NIN: variants seen among roughly 807,000 people sequenced by gnomAD.
The protein encoded by NIN is ninein.
NIN carries 137 observed loss-of-function variants against 257.6 expected under a neutral mutation model. The ratio of observed to expected loss-of-function variants is 0.53; its 90% CI spans 0.46 to 0.61. The LOEUF is 0.61. Ranked by LOEUF, NIN falls within the 20% of genes least tolerant of loss-of-function variation. The pLI, the probability that NIN is intolerant of heterozygous loss-of-function variation, is 0.00. For missense variants in NIN, 2,439 were observed against 2,501.2 expected, an observed-to-expected ratio of 0.98 and a Z score of 0.53; for synonymous variants, 918 against 919.8, an observed-to-expected ratio of 1.00 and a Z score of 0.04.
At chr14:50,790,414 A>G (rs1454392565) in intron 5 of NIN, among the ~76,000 whole-genome samples, 4 of 152,230 alleles carry the variant, frequency 2.6e-5, no homozygotes, top group Non-Finnish European at 5.9e-5. Flanking sequence ...TTCAGCTTAC[A>G]AAACACTTTC....
At chr14:50,752,161 T>TG (rs748524886) in intron 21 of NIN, among the ~76,000 whole-genome samples, 44 of 151,624 alleles carry the variant, frequency 2.9e-4, no homozygotes, top group Non-Finnish European at 4.9e-4. Context: ...TTGTATAGTT[T>TG]TTTTTTTTTA....
chr14:50,809,636 T>C (rs1428066784), intron 3 of NIN, among the ~76,000 whole-genome samples: 1 of 152,200 alleles, frequency 6.6e-6, no homozygotes, highest in Non-Finnish European at 1.5e-5. Flanking sequence ...CTTCCTGAAT[T>C]TGGTCCTCAC....
At chr14:50,797,332 C>T (rs2043884408) in intron 4 of NIN, among the ~76,000 whole-genome samples, 1 of 152,246 alleles carries the variant, frequency 6.6e-6, no homozygotes, top group South Asian at 2.1e-4. Flanking sequence ...TTTGGAATTG[C>T]TCGCATAGGA....
At chr14:50,733,921 A>G (rs1490013468) in intron 28 of NIN, among the ~76,000 whole-genome samples, 1 of 152,198 alleles carries the variant, frequency 6.6e-6, no homozygotes, top group Non-Finnish European at 1.5e-5. Flanking sequence ...AGAGAACACA[A>G]AATTGACAAA....
chr14:50,750,613 T>C (rs775538859), intron 21 of NIN, among the ~76,000 whole-genome samples: 7 of 152,230 alleles, frequency 4.6e-5, no homozygotes, highest in Non-Finnish European at 1.0e-4. Context: ...GTCAAGATAT[T>C]AATTTCTGAA....
intron 2 of NIN, chr14:50,823,513 A>G (rs929417099): frequency 1.1e-5 from 3 of 264,156 alleles, no homozygotes; most frequent in Admixed American, 5.2e-5. Flanking sequence ...AAACAAATCA[A>G]TGTTGCTCTA....
intron 17 of NIN, among the ~76,000 whole-genome samples, chr14:50,759,415 T>G (rs1350682803): frequency 6.6e-6 from 1 of 151,476 alleles, no homozygotes; most frequent in Non-Finnish European, 1.5e-5. Context: ...GCAAAAACAG[T>G]AAAAAAATAT....
intron 28 of NIN, among the ~76,000 whole-genome samples, chr14:50,733,317 T>G (rs893117676): frequency 2.6e-5 from 4 of 152,150 alleles, no homozygotes; most frequent in African/African-American, 9.7e-5. Flanking sequence ...GGTCTCGAAC[T>G]CCTGACCTTG....
intron 3 of NIN, among the ~76,000 whole-genome samples, chr14:50,810,837 T>C (rs1359838730): frequency 6.6e-6 from 1 of 151,882 alleles, no homozygotes; most frequent in Non-Finnish European, 1.5e-5. Flanking sequence ...ATTTTTTTTG[T>C]ATTTTTAGTA....
At chr14:50,802,480 C>A (rs2044142315) in intron 4 of NIN, among the ~76,000 whole-genome samples, 1 of 152,108 alleles carries the variant, frequency 6.6e-6, no homozygotes, top group African/African-American at 2.4e-5. Context: ...CTCTCAAATC[C>A]CATGAGAGCT....
intron 3 of NIN, among the ~76,000 whole-genome samples, chr14:50,809,333 G>T (rs1429681966): frequency 6.6e-6 from 1 of 152,198 alleles, no homozygotes; most frequent in Non-Finnish European, 1.5e-5. Flanking sequence ...GGAGGTCTGA[G>T]GGCCTGCCTT....
chr14:50,815,655 G>A (rs2142344256), intron 3 of NIN, among the ~76,000 whole-genome samples: 1 of 152,294 alleles, frequency 6.6e-6, no homozygotes, highest in African/African-American at 2.4e-5. Context: ...GCCCATCAAT[G>A]ATAGACTGGA....
rs765828095 is a variant in NIN at position 50,822,082 on chromosome 14, G to A, written c.-21-5C>T. ...CCCATAGCCCACAGTGCTCACCTGT[G>A]TGTAAGACAGAGACAAGGACAGGTT... On this transcript the variant is annotated splice_polypyrimidine_tract_variant and splice_region_variant and intron_variant, in intron 2 of 30. Transcript: ENST00000530997. 1.5e-5 allele frequency: 24 copies of A among 1,598,074 alleles called. No individual in the cohort carries two copies. Among genetic ancestry groups the A allele is most frequent in the Non-Finnish European group, 2.1e-5 (24 of 1,169,586 alleles).
chr14:50,748,353 A>C (rs1595758487), intron 21 of NIN, among the ~76,000 whole-genome samples: 1 of 152,294 alleles, frequency 6.6e-6, no homozygotes, highest in African/African-American at 2.4e-5. Flanking sequence ...TTTATGACAA[A>C]CCCACAGCCA....
intron 2 of NIN, among the ~76,000 whole-genome samples, chr14:50,828,507 C>G (rs1180356684): frequency 6.6e-6 from 1 of 152,190 alleles, no homozygotes. Context: ...GATGCAAGTT[C>G]AATAGCTAGA....
chr14:50,776,744 T>G (rs1291986297), intron 7 of NIN, among the ~76,000 whole-genome samples: 1 of 152,192 alleles, frequency 6.6e-6, no homozygotes, highest in Non-Finnish European at 1.5e-5. Flanking sequence ...TTACAATAGC[T>G]GGGTAAGTGT....
Position 50,771,007 on chromosome 14 carries a change from A to G in NIN, c.1119-15T>C, listed in dbSNP as rs1040119092. On this transcript the variant is annotated splice_polypyrimidine_tract_variant and intron_variant, in intron 10 of 30. Transcript: ENST00000530997. ...CAACTCGTTCCCTAGGATCAGAAGTACACTGAGTTAATGGGAAACTGTTTC... is the reference window on the plus strand; with the variant it reads ...CAACTCGTTCCCTAGGATCAGAAGTGCACTGAGTTAATGGGAAACTGTTTC... The G allele has an allele frequency of 1.9e-6, 3 of 1,611,184 alleles. No homozygotes were observed. In the African/African-American group the frequency reaches 4.0e-5, roughly 22 times the overall value.
chr14:50,755,933 T>C (rs1458371487), intron 18 of NIN, among the ~76,000 whole-genome samples: 2 of 152,050 alleles, frequency 1.3e-5, no homozygotes, highest in African/African-American at 2.4e-5. Context: ...TCCCAAACAG[T>C]TGAGATTGCA....
intron 24 of NIN, 40 bp from the exon 25 acceptor site, chr14:50,741,768 T>C (rs776017825): frequency 6.2e-7 from 1 of 1,603,738 alleles, no homozygotes; most frequent in South Asian, 1.1e-5. Flanking sequence ...ACACAAACTC[T>C]TGTGGTCTCA....
Sources: allele counts gnomAD v4.1 joint callset (sites outside exome capture counted in the v4.1 genomes callset), GRCh38; gene constraint gnomAD v4.1.1; transcripts MANE v1.5; gene names NCBI Gene and HGNC (gene_info 2026-07-23, HGNC 2026-07-21).